The following NELL2 variants were observed in gnomAD, a reference collection of about 807,000 sequenced individuals.
The protein encoded by NELL2 is neural EGFL like 2.
NELL2 carries 41 observed loss-of-function variants against 109.6 expected under a neutral mutation model. The ratio of observed to expected loss-of-function variants is 0.37; its 90% CI spans 0.29 to 0.49. NELL2 has a LOEUF of 0.49. NELL2 is among the 20% of genes least tolerant of loss of function. The pLI is 0.98. For missense variants in NELL2, 900 were observed against 1,008.3 expected (o/e 0.89, Z 1.45); for synonymous variants, 355 against 344.7 (o/e 1.03, Z -0.33).
intron 2 of NELL2, among the ~76,000 whole-genome samples, chr12:44,855,572 C>G (rs1393201204): frequency 1.3e-5 from 2 of 152,164 alleles, no homozygotes; most frequent in Non-Finnish European, 2.9e-5. Flanking sequence ...TTGCTGTACC[C>G]TGGATGCACT....
At chr12:44,821,009 G>C (rs1943524124) in intron 2 of NELL2, among the ~76,000 whole-genome samples, 1 of 150,674 alleles carries the variant, frequency 6.6e-6, no homozygotes, top group Admixed American at 6.6e-5. Context: ...CACTAAGTCA[G>C]TAGCACAGCA....
At chr12:44,645,678 T>C (rs1947068711) in intron 13 of NELL2, among the ~76,000 whole-genome samples, 1 of 152,180 alleles carries the variant, frequency 6.6e-6, no homozygotes, top group African/African-American at 2.4e-5. Context: ...TCACAGCCAA[T>C]CCTGTAGGCA....
At chr12:44,837,984 T>C (rs1944107408) in intron 2 of NELL2, among the ~76,000 whole-genome samples, 2 of 152,342 alleles carry the variant, frequency 1.3e-5, no homozygotes, top group South Asian at 2.1e-4. Flanking sequence ...AGATGTGAAC[T>C]ATGGCCTTTG....
intron 12 of NELL2, among the ~76,000 whole-genome samples, chr12:44,685,445 G>A (rs1948681547): frequency 6.6e-6 from 1 of 151,892 alleles, no homozygotes; most frequent in African/African-American, 2.4e-5. Flanking sequence ...GTGTGAATTT[G>A]ATCCAGTCAT....
chr12:44,807,357 G>A (rs75742041), intron 3 of NELL2, among the ~76,000 whole-genome samples: 53 of 130,550 alleles, frequency 4.1e-4, no homozygotes, highest in African/African-American at 1.4e-3. Context: ...ACACACACAC[G>A]CATGCATGCA....
At chr12:44,555,044 C>T (rs1283901341) in intron 15 of NELL2, among the ~76,000 whole-genome samples, 2 of 152,216 alleles carry the variant, frequency 1.3e-5, no homozygotes, top group Non-Finnish European at 2.9e-5. Flanking sequence ...AATAACTGAA[C>T]TCAGCATGTC....
intron 5 of NELL2, among the ~76,000 whole-genome samples, chr12:44,778,380 G>A (rs1941830331): frequency 6.6e-6 from 1 of 152,112 alleles, no homozygotes; most frequent in Admixed American, 6.6e-5. Flanking sequence ...AATAAATTGT[G>A]TACCAACTCC....
rs561642123 is a variant in NELL2 at position 44,900,680 on chromosome 12, C to T, written c.38+13119G>A. On this transcript the variant is annotated intron_variant, in intron 1 of 20. Coordinates refer to the NELL2 transcript ENST00000333837. ...AAGTGGGAATGATCTAAAATTGACA[C>T]CCTAACTTCACAATTAAAAAGAACA... is the stretch of plus-strand genomic sequence containing the variant. Among the ~76,000 whole-genome samples, 6 of 152,160 alleles carry T rather than the reference C, an allele frequency of 3.9e-5. No individual in the cohort carries two copies. The East Asian group carries it at 1.2e-3, about 29-fold the overall frequency.
chr12:44,817,981 C>T (rs7964617), intron 2 of NELL2, among the ~76,000 whole-genome samples: 150,467 of 152,322 alleles, frequency 0.99, 74,357 homozygotes, highest in East Asian at 1. Flanking sequence ...AGACTTGGGA[C>T]AGTTGTTCAA....
chr12:44,792,163 T>C (rs536711195), intron 3 of NELL2, among the ~76,000 whole-genome samples: 1 of 152,234 alleles, frequency 6.6e-6, no homozygotes, highest in Admixed American at 6.5e-5. Context: ...TTTAGCAAAA[T>C]TCAGAGATTA....
At chr12:44,921,172 A>AT (rs1945865465) in intron 1 of NELL2, among the ~76,000 whole-genome samples, 2 of 152,084 alleles carry the variant, frequency 1.3e-5, no homozygotes, top group Admixed American at 1.3e-4. Context: ...TTGGGATTCT[A>AT]TTTTTTTCAA....
intron 9 of NELL2, among the ~76,000 whole-genome samples, chr12:44,761,937 T>C (rs1039947156): frequency 5.9e-5 from 9 of 152,186 alleles, no homozygotes; most frequent in African/African-American, 2.2e-4. Flanking sequence ...TCATGTTCAG[T>C]ATTCAGGTGA....
At chr12:44,727,111 A>G (rs1485826110) in intron 9 of NELL2, among the ~76,000 whole-genome samples, 1 of 152,142 alleles carries the variant, frequency 6.6e-6, no homozygotes, top group Non-Finnish European at 1.5e-5. Context: ...TGCTGGTTCA[A>G]TGATCACACT....
At chr12:44,590,987 C>T (rs7979308) in intron 15 of NELL2, among the ~76,000 whole-genome samples, 2,466 of 150,608 alleles carry the variant, frequency 0.016, 51 homozygotes, top group African/African-American at 0.057. Flanking sequence ...CATTTCTCAA[C>T]AGAGAACATG....
chr12:44,892,761 G>A (rs1325775582), intron 1 of NELL2, among the ~76,000 whole-genome samples: 1 of 134,490 alleles, frequency 7.4e-6, no homozygotes, highest in African/African-American at 2.9e-5. Context: ...TCGCACCACT[G>A]CACTCCAGGC....
chr12:44,822,258 TATA>T (rs1346000423), intron 2 of NELL2, among the ~76,000 whole-genome samples: 1 of 152,182 alleles, frequency 6.6e-6, no homozygotes, highest in African/African-American at 2.4e-5. Flanking sequence ...TTATGAGGAT[TATA>T]ATGTTATTAT....
At chr12:44,786,560 T>C (rs1368045460) in intron 3 of NELL2, among the ~76,000 whole-genome samples, 2 of 152,136 alleles carry the variant, frequency 1.3e-5, no homozygotes, top group Admixed American at 1.3e-4. Flanking sequence ...CATTCTACTA[T>C]AAAGACACAT....
At chr12:44,554,800 C>G (rs2136171584) in intron 15 of NELL2, among the ~76,000 whole-genome samples, 1 of 152,240 alleles carries the variant, frequency 6.6e-6, no homozygotes, top group Middle Eastern at 3.4e-3. Context: ...CCAGAATTAG[C>G]CTTCAGTTAC....
intron 1 of NELL2, among the ~76,000 whole-genome samples, chr12:44,909,776 T>TAC (rs1432355458): frequency 2.1e-5 from 3 of 144,658 alleles, no homozygotes; most frequent in African/African-American, 8.0e-5. Flanking sequence ...CACATATATA[T>TAC]ACACACACAC....
Sources: gnomAD v4.1 joint callset for allele counts (sites outside exome capture counted in the v4.1 genomes callset) on GRCh38, gnomAD v4.1.1 for gene constraint, MANE v1.5 for transcripts, NCBI Gene and HGNC (gene_info 2026-07-23, HGNC 2026-07-21) for gene names.